Variants in LRRC75A observed in about 807,000 individuals in gnomAD.
LRRC75A encodes the protein leucine rich repeat containing 75A, also known as leucine-rich repeat-containing protein 75A.
A neutral mutation model predicts 26.0 loss-of-function variants in LRRC75A; 12 were observed. The observed-to-expected ratio is 0.46, with a 90% confidence interval of 0.30 to 0.75. The LOEUF is 0.75. Ranked by LOEUF, LRRC75A falls within the 30% of genes least tolerant of loss-of-function variation. LRRC75A has a pLI of 0.08. For synonymous variants in LRRC75A, 223 were observed against 219.3 expected (o/e 1.02, Z -0.15); for missense variants, 410 against 486.6 (o/e 0.84, Z 1.48).
chr17:16,471,436 A>C (rs2093805800), intron 1 of LRRC75A, among the ~76,000 whole-genome samples: 1 of 152,186 alleles, frequency 6.6e-6, no homozygotes, highest in African/African-American at 2.4e-5. Context: ...CAGAGGTGGC[A>C]TTTTTCCCAG....
intron 1 of LRRC75A, among the ~76,000 whole-genome samples, chr17:16,474,264 G>T (rs150027391): frequency 6.6e-6 from 1 of 152,288 alleles, no homozygotes; most frequent in Non-Finnish European, 1.5e-5. Context: ...AAATGAGAAG[G>T]TTGCACCAGC....
At chr17:16,447,261 T>C (rs2093594052) in intron 3 of LRRC75A, among the ~76,000 whole-genome samples, 2 of 152,036 alleles carry the variant, frequency 1.3e-5, no homozygotes, top group Non-Finnish European at 2.9e-5. Flanking sequence ...CCCTTGTTGC[T>C]GTATGGACCA....
Position 16,447,974 on chromosome 17 carries a change from C to A in LRRC75A, c.376-14G>T. ...TGCATCGCCTTCCTGCAGAGGCAAC[C>A]ATGGGTGGTAGGGCCCTGAGTGGCT... On this transcript the variant is annotated splice_polypyrimidine_tract_variant and intron_variant, in intron 2 of 3. Transcript: ENST00000470794. The A allele has an allele frequency of 6.5e-7, 1 of 1,549,768 alleles. No homozygotes were observed. The highest frequency in any genetic ancestry group is 1.2e-5 in the South Asian group (1 of 84,014).
At position 16,491,750 on chromosome 17, in the gene LRRC75A, G is replaced by A; in HGVS notation, c.241C>T (p.Arg81Cys). The change falls in exon 1 of 4, where the codon CGC becomes TGC. Residue 81 changes from arginine to cysteine, a missense_variant. By Grantham distance (180) the Arg-to-Cys change is radical. Transcript: ENST00000470794. The surrounding 1 kb of genome is among the most constrained non-coding windows in gnomAD (Gnocchi z 5.9). ...EEAGTLLQHL[R>C]QDLGMESTSL... is the part of the protein sequence containing the mutation. ...CGCCCCCTCCCCGCGCTCACCTGGC[G>A]CAGGTGCTGCAGCAGCGTCCCCGCC... 2 of 1,397,068 alleles carry A rather than the reference G, an allele frequency of 1.4e-6. No homozygotes were observed. The highest frequency in any genetic ancestry group is 1.9e-6 in the Non-Finnish European group (2 of 1,074,902). 86.5% of individuals were successfully genotyped at this position (1,397,068 alleles called of 1,614,324 possible).
At chr17:16,483,303 G>A (rs891276807) in intron 1 of LRRC75A, among the ~76,000 whole-genome samples, 1 of 151,538 alleles carries the variant, frequency 6.6e-6, no homozygotes, top group East Asian at 1.9e-4. Context: ...CTCTGCCCCT[G>A]GCACCATGTG....
At chr17:16,480,116 C>T (rs1182032782) in intron 1 of LRRC75A, among the ~76,000 whole-genome samples, 1 of 152,226 alleles carries the variant, frequency 6.6e-6, no homozygotes, top group Non-Finnish European at 1.5e-5. Context: ...TCTCCTGTCA[C>T]CCCAGATGGG....
intron 2 of LRRC75A, among the ~76,000 whole-genome samples, chr17:16,448,681 G>T (rs985124166): frequency 1.3e-5 from 2 of 152,206 alleles, no homozygotes; most frequent in Admixed American, 6.5e-5. Context: ...GTAAAATGAG[G>T]TCAGAGGAGT....
At chr17:16,461,627 G>C (rs1177261110) in intron 2 of LRRC75A, among the ~76,000 whole-genome samples, 1 of 152,228 alleles carries the variant, frequency 6.6e-6, no homozygotes, top group Non-Finnish European at 1.5e-5. Flanking sequence ...ATGAGTGAAG[G>C]GGTGGGTGTC....
intron 1 of LRRC75A, among the ~76,000 whole-genome samples, chr17:16,476,310 G>T (rs1049869821): frequency 1.3e-5 from 2 of 152,074 alleles, no homozygotes; most frequent in Admixed American, 6.6e-5. Flanking sequence ...GGAGGTTGCA[G>T]TGAGTTGAGG....
chr17:16,458,786 G>C (rs2093705408), intron 2 of LRRC75A, among the ~76,000 whole-genome samples: 1 of 152,014 alleles, frequency 6.6e-6, no homozygotes, highest in Non-Finnish European at 1.5e-5. Flanking sequence ...GCCAACTTCT[G>C]TTAAGCCTTC....
At chr17:16,485,779 G>A (rs1279621664) in intron 1 of LRRC75A, among the ~76,000 whole-genome samples, 1 of 152,058 alleles carries the variant, frequency 6.6e-6, no homozygotes, top group Non-Finnish European at 1.5e-5. Context: ...GGCTGGCTGA[G>A]GATCCCCACA....
rs116240817 is a variant in LRRC75A at position 16,443,108 on chromosome 17, C to G, written c.*480G>C. ...TGGGGTCTCGGGCAACCAGGAGTTA[C>G]AGGAATTTTGCTAAAGATTCCCACC... On this transcript the variant is annotated 3_prime_UTR_variant, in exon 4 of 4. Transcript: ENST00000470794. 6.5e-6 allele frequency: 1 copy of G among 154,840 alleles called. No individual in the cohort carries two copies. Among genetic ancestry groups the G allele is most frequent in the Admixed American group, 6.4e-5 (1 of 15,518 alleles). 9.6% of individuals were successfully genotyped at this position (154,840 alleles called of 1,614,324 possible). A position where few individuals can be genotyped will look rare whatever the true frequency, so the allele number is the denominator to read the frequency against.
At chr17:16,460,384 C>T (rs2093718558) in intron 2 of LRRC75A, among the ~76,000 whole-genome samples, 1 of 152,240 alleles carries the variant, frequency 6.6e-6, no homozygotes, top group South Asian at 2.1e-4. Context: ...GTTCCCGCCC[C>T]TCCTCCTGGC....
At chr17:16,476,766 T>C (rs1335028857) in intron 1 of LRRC75A, among the ~76,000 whole-genome samples, 3 of 124,980 alleles carry the variant, frequency 2.4e-5, no homozygotes, top group Non-Finnish European at 5.0e-5. Context: ...TGAGACAGAG[T>C]CTTGCTCTAT....
rs879683082 is a variant in LRRC75A at position 16,485,652 on chromosome 17, G to GTC, written c.246+6092_246+6093insGA. ...AAGCAGTGTGTGTGTGTGTGTGTGTGTGTGTGTGTGTGTGTGTTCGTGTGT... is the reference window on the plus strand; with the variant it reads ...AAGCAGTGTGTGTGTGTGTGTGTGTGTCTGTGTGTGTGTGTGTGTTCGTGTGT... On this transcript the variant is annotated intron_variant, in intron 1 of 3. Coordinates refer to ENST00000470794, the MANE Select transcript of LRRC75A (RefSeq NM_001113567.3). 5.9e-3 allele frequency among the ~76,000 whole-genome samples: 775 copies of GTC among 130,812 alleles called. 3 individuals carry two copies. Among genetic ancestry groups the GTC allele is most frequent in the South Asian group, 0.019 (82 of 4,312 alleles). The allele number at this position is 130,812 out of a possible 152,430, so 85.8% of individuals were successfully genotyped here.
At chr17:16,455,540 C>T (rs529541569) in intron 2 of LRRC75A, among the ~76,000 whole-genome samples, 3 of 152,134 alleles carry the variant, frequency 2.0e-5, no homozygotes, top group South Asian at 4.2e-4. Flanking sequence ...CATCCATGCC[C>T]GGCTAATTTT....
At chr17:16,488,868 G>C (rs1379174842) in intron 1 of LRRC75A, among the ~76,000 whole-genome samples, 1 of 152,146 alleles carries the variant, frequency 6.6e-6, no homozygotes, top group Non-Finnish European at 1.5e-5. Flanking sequence ...GCATTCAGAA[G>C]AAGTGGCACC....
Position 16,491,631 on chromosome 17 carries a change from C to T in LRRC75A, c.246+114G>A, listed in dbSNP as rs774367191. 2.0e-5 allele frequency: 15 copies of T among 763,082 alleles called. No homozygotes were observed. The highest frequency in any genetic ancestry group is 4.6e-5 in the Admixed American group (1 of 21,782). The allele number at this position is 763,082 out of a possible 1,614,324, so 47.3% of individuals were successfully genotyped here. On this transcript the variant is annotated intron_variant, in intron 1 of 3. Coordinates refer to ENST00000470794, the MANE Select transcript of LRRC75A (RefSeq NM_001113567.3). This position sits in a 1 kb window ranked among gnomAD's most constrained non-coding sequence, Gnocchi z 5.9. Reference sequence around the variant, plus strand: ...GGGCTCCATCCCCGCGGAAGGGGCCCCTGGGCGGTGCCCCTCGGTGCCCCC... The same window carrying T: ...GGGCTCCATCCCCGCGGAAGGGGCCTCTGGGCGGTGCCCCTCGGTGCCCCC...
intron 2 of LRRC75A, among the ~76,000 whole-genome samples, chr17:16,457,070 G>A (rs1490872056): frequency 3.3e-5 from 5 of 152,144 alleles, no homozygotes; most frequent in Non-Finnish European, 7.4e-5. Context: ...GGCTGACCTG[G>A]GAGGGGTACC....
Sources: allele counts gnomAD v4.1 joint callset (sites outside exome capture counted in the v4.1 genomes callset), GRCh38; gene constraint gnomAD v4.1.1; non-coding constraint Gnocchi (gnomAD v3.1); transcripts MANE v1.5; gene names NCBI Gene and HGNC (gene_info 2026-07-23, HGNC 2026-07-21).